The following MICAL3 variants were observed in gnomAD, a reference collection of about 807,000 sequenced individuals.
MICAL3 encodes microtubule associated monooxygenase, calponin and LIM domain containing 3, also known as [F-actin]-monooxygenase MICAL3.
MICAL3 carries 62 observed loss-of-function variants against 207.4 expected under a neutral mutation model. The ratio of observed to expected loss-of-function variants is 0.30; its 90% confidence interval spans 0.24 to 0.37. MICAL3 has a LOEUF of 0.37. MICAL3 is among the 10% of genes least tolerant of loss of function. The pLI, the probability that MICAL3 is intolerant of heterozygous loss-of-function variation, is 1.00. For synonymous variants in MICAL3, 1,077 were observed against 1,069.3 expected, an observed-to-expected ratio of 1.01 and a Z score of -0.14; for missense variants, 2,368 against 2,635.6, an observed-to-expected ratio of 0.90 and a Z score of 2.22.
chr22:17,973,792 G>A (rs924186518), intron 1 of MICAL3, among the ~76,000 whole-genome samples: 3 of 152,130 alleles, frequency 2.0e-5, no homozygotes, highest in African/African-American at 7.2e-5. Context: ...ATGGTGGCAC[G>A]CACTTGTGGT....
chr22:18,018,236 T>G (rs959195477), intron 1 of MICAL3, among the ~76,000 whole-genome samples: 4 of 152,212 alleles, frequency 2.6e-5, no homozygotes, highest in African/African-American at 9.6e-5. Flanking sequence ...ACTTGAAAAT[T>G]ATCCATAGAT....
chr22:17,804,969 C>G (rs1601935050), intron 29 of MICAL3, among the ~76,000 whole-genome samples: 1 of 152,174 alleles, frequency 6.6e-6, no homozygotes, highest in Admixed American at 6.5e-5. Flanking sequence ...GGTGCTGAAG[C>G]TAATCCTTGC....
chr22:17,835,064 G>T (rs1019239799), intron 20 of MICAL3, among the ~76,000 whole-genome samples: 2 of 152,216 alleles, frequency 1.3e-5, no homozygotes, highest in African/African-American at 4.8e-5. Context: ...GCGCCATGTC[G>T]TGAGGATAGC....
chr22:17,822,141 C>T lies in MICAL3; in HGVS notation c.3337G>A (p.Ala1113Thr). 1 of 1,613,828 alleles carries T rather than the reference C, an allele frequency of 6.2e-7. No individual in the cohort carries two copies. Among genetic ancestry groups the T allele is most frequent in the Non-Finnish European group, 8.5e-7 (1 of 1,179,886 alleles). Residue 1113 changes from alanine to threonine, a missense_variant, in exon 24 of 32, where the codon GCT (alanine) becomes ACT (threonine). Around this residue, in one of 4 missense-constraint regions of MICAL3, gnomAD observed 1,770 missense variants for 1,863.2 expected, o/e 0.95. Coordinates refer to ENST00000441493, the MANE Select transcript of MICAL3 (RefSeq NM_015241.3). ...CACGGCAAACGCAGCTCTCTGTCAG[C>T]ATCCGACGGGCTGTCAGACCAGTGC... Reference protein sequence around the residue: ...DQHWSDSPSDADRELRLPCPA... With the variant: ...DQHWSDSPSDTDRELRLPCPA...
chr22:17,991,760 T>C (rs1214943390), intron 1 of MICAL3, among the ~76,000 whole-genome samples: 1 of 152,176 alleles, frequency 6.6e-6, no homozygotes, highest in African/African-American at 2.4e-5. Context: ...TCACTCATCA[T>C]ATCCAGTAGT....
In MICAL3 at chr22:17,947,331, T is replaced by C. The variant is rs78262256; in HGVS notation, c.-74-40445A>G. ...ACAATGTTTTCCCTTCATGAAGAGGTAACTGGGACAAGGAAATCCCTTAAG... is the reference window on the plus strand; with the variant it reads ...ACAATGTTTTCCCTTCATGAAGAGGCAACTGGGACAAGGAAATCCCTTAAG... On this transcript the variant is annotated intron_variant, in intron 1 of 31. Transcript: ENST00000441493. Among the ~76,000 whole-genome samples, 162 of 152,258 alleles carry C rather than the reference T, an allele frequency of 1.1e-3. 1 individual carries two copies. Among genetic ancestry groups the C allele is most frequent in the African/African-American group, 3.7e-3 (155 of 41,542 alleles).
At chr22:17,998,253 A>T (rs1013034775) in intron 1 of MICAL3, among the ~76,000 whole-genome samples, 6 of 112,512 alleles carry the variant, frequency 5.3e-5, no homozygotes, top group Non-Finnish European at 1.2e-4. Flanking sequence ...ATGAGCCAAG[A>T]CTGCGCCATT....
At chr22:17,857,061 T>C (rs1925995389) in intron 19 of MICAL3, among the ~76,000 whole-genome samples, 1 of 152,194 alleles carries the variant, frequency 6.6e-6, no homozygotes. Flanking sequence ...AATAAATAAA[T>C]TGCTGCCATA....
chr22:18,003,503 C>T (rs147040015), intron 1 of MICAL3, among the ~76,000 whole-genome samples: 2 of 152,288 alleles, frequency 1.3e-5, no homozygotes, highest in African/African-American at 4.8e-5. Context: ...CGAAAGTGCT[C>T]GTCCCTAACT....
At chr22:17,938,433 AGG>A (rs1238930248) in intron 1 of MICAL3, among the ~76,000 whole-genome samples, 3 of 152,174 alleles carry the variant, frequency 2.0e-5, no homozygotes, top group Non-Finnish European at 4.4e-5. Flanking sequence ...ACAGCTCCAC[AGG>A]TAATACAGAT....
intron 20 of MICAL3, 144 bp from the exon 21 acceptor site, chr22:17,832,251 G>T (rs770598691): frequency 1.8e-6 from 2 of 1,097,044 alleles, no homozygotes; most frequent in East Asian, 2.6e-5. Flanking sequence ...AGGAGAGAGC[G>T]GCATCAGCAG....
In MICAL3 at chr22:17,805,831, C is replaced by T. The variant is rs539934971; in HGVS notation, c.5650+3013G>A. Among the ~76,000 whole-genome samples the T allele has an allele frequency of 6.7e-4, 102 of 152,310 alleles. 1 individual carries two copies. The highest frequency in any genetic ancestry group is 2.3e-3 in the African/African-American group (96 of 41,568). On this transcript the variant is annotated intron_variant, in intron 29 of 31. Transcript: ENST00000441493. ...GCAACCTCCACCTCCCAGGTTCAAG[C>T]GATTCTCCTGCCTCAGCCTCCCGAG...
chr22:17,903,037 C>T (rs537859263), intron 3 of MICAL3, among the ~76,000 whole-genome samples: 9 of 152,240 alleles, frequency 5.9e-5, no homozygotes, highest in Non-Finnish European at 1.2e-4. Context: ...CTGTGGCCTA[C>T]AGGAGGTTCC....
At chr22:17,891,864 C>T (rs958295269) in intron 11 of MICAL3, among the ~76,000 whole-genome samples, 1 of 152,218 alleles carries the variant, frequency 6.6e-6, no homozygotes, top group Non-Finnish European at 1.5e-5. Context: ...CTAAGGTCAA[C>T]GTCCACCCCC....
chr22:17,920,480 C>A (rs988090164), intron 1 of MICAL3, among the ~76,000 whole-genome samples: 19 of 152,182 alleles, frequency 1.2e-4, no homozygotes, highest in African/African-American at 4.6e-4. Flanking sequence ...AGACGCGTTC[C>A]GGTCTTATCT....
chr22:17,958,398 GAAGA>G (rs1602291941), intron 1 of MICAL3, among the ~76,000 whole-genome samples: 1 of 152,172 alleles, frequency 6.6e-6, no homozygotes, highest in African/African-American at 2.4e-5. Context: ...GGCAGTTACG[GAAGA>G]AAGAAAAGAC....
At chr22:17,860,613 G>T in intron 19 of MICAL3, 1 of 985,526 alleles carries the variant, frequency 1.0e-6, no homozygotes, top group Non-Finnish European at 1.2e-6. Context: ...ACCACCAAAA[G>T]ATAGGAGTGG....
At chr22:17,837,766 T>TG (rs35814672) in intron 20 of MICAL3, among the ~76,000 whole-genome samples, 6 of 152,346 alleles carry the variant, frequency 3.9e-5, no homozygotes, top group South Asian at 2.1e-4. Flanking sequence ...GAGACTCACC[T>TG]GGGGGGTCTG....
At chr22:17,987,732 T>C (rs1921191950) in intron 1 of MICAL3, among the ~76,000 whole-genome samples, 1 of 152,224 alleles carries the variant, frequency 6.6e-6, no homozygotes, top group East Asian at 1.9e-4. Context: ...AGAACATCCT[T>C]ATTCTTCATA....
Sources: gnomAD v4.1 joint callset for allele counts (sites outside exome capture counted in the v4.1 genomes callset) on GRCh38, gnomAD v4.1.1 for gene constraint, gnomAD v4.1.1 regional missense constraint, MANE v1.5 for transcripts, NCBI Gene and HGNC (gene_info 2026-07-23, HGNC 2026-07-21) for gene names.